Variants in HRH1 observed in about 807,000 individuals in gnomAD.
HRH1 encodes histamine H1 receptor.
HRH1 carries 6 observed loss-of-function variants against 10.3 expected under a neutral mutation model. That is an observed-to-expected ratio of 0.58 (90% CI 0.32 to 1.15). The LOEUF (loss-of-function observed/expected upper bound fraction) is 1.15. Ranked by LOEUF, HRH1 falls within the 50% of genes most tolerant of loss-of-function variation. HRH1 has a pLI of 0.05. For synonymous variants in HRH1, 242 were observed against 236.7 expected, an observed-to-expected ratio of 1.02 and a Z score of -0.21; for missense variants, 514 against 615.3, an observed-to-expected ratio of 0.84 and a Z score of 1.74.
chr3:11,231,011 C>T (rs1410737279), intron 1 of HRH1, among the ~76,000 whole-genome samples: 1 of 152,166 alleles, frequency 6.6e-6, no homozygotes, highest in Non-Finnish European at 1.5e-5. Context: ...CTTCTCACCT[C>T]CCCCATCCCT....
At chr3:11,232,990 C>A (rs562431738) in intron 1 of HRH1, among the ~76,000 whole-genome samples, 1 of 152,250 alleles carries the variant, frequency 6.6e-6, no homozygotes, top group African/African-American at 2.4e-5. Flanking sequence ...AATCTGCTAT[C>A]ATTCTCATTA....
At chr3:11,202,438 T>TAAATAAATCAA (rs58125465) in intron 1 of HRH1, among the ~76,000 whole-genome samples, 1 of 133,554 alleles carries the variant, frequency 7.5e-6, no homozygotes. Context: ...AAATAAATAA[T>TAAATAAATCAA]TAATTAAAAA....
intron 1 of HRH1, among the ~76,000 whole-genome samples, chr3:11,221,404 A>G (rs1938706198): frequency 6.6e-6 from 1 of 151,842 alleles, no homozygotes; most frequent in Non-Finnish European, 1.5e-5. Context: ...ATACAAAAAA[A>G]ATTAGCCGGC....
At chr3:11,225,139 C>A (rs538509473) in intron 1 of HRH1, among the ~76,000 whole-genome samples, 1 of 152,164 alleles carries the variant, frequency 6.6e-6, no homozygotes, top group Admixed American at 6.5e-5. Flanking sequence ...AGGACTTGGG[C>A]CCCTGGAACT....
chr3:11,216,980 T>C (rs751058370), intron 1 of HRH1, among the ~76,000 whole-genome samples: 2 of 151,544 alleles, frequency 1.3e-5, no homozygotes, highest in Non-Finnish European at 2.9e-5. Context: ...GCTCAGGAGT[T>C]CAAAAGCAGC....
chr3:11,161,718 G>A (rs1409233227), intron 1 of HRH1, among the ~76,000 whole-genome samples: 2 of 152,224 alleles, frequency 1.3e-5, no homozygotes, highest in Non-Finnish European at 2.9e-5. Context: ...GCAAGGATAA[G>A]TTATTTTCCC....
chr3:11,155,214 G>A (rs1261291909), intron 1 of HRH1, among the ~76,000 whole-genome samples: 2 of 152,208 alleles, frequency 1.3e-5, no homozygotes, highest in African/African-American at 4.8e-5. Context: ...CAGTTCGGCT[G>A]CAGCTGGGGG....
At chr3:11,161,579 C>G (rs1028858798) in intron 1 of HRH1, among the ~76,000 whole-genome samples, 2 of 152,124 alleles carry the variant, frequency 1.3e-5, no homozygotes, top group Admixed American at 1.3e-4. Flanking sequence ...GCGGGGCCAC[C>G]CTGATGAGCC....
intron 1 of HRH1, among the ~76,000 whole-genome samples, chr3:11,170,492 C>A (rs1023848602): frequency 2.0e-5 from 3 of 152,240 alleles, no homozygotes; most frequent in African/African-American, 7.2e-5. Flanking sequence ...TGATTTTGAA[C>A]CGGCGGCCTG....
chr3:11,242,568 A>C (rs1939378432), intron 1 of HRH1, among the ~76,000 whole-genome samples: 1 of 150,268 alleles, frequency 6.7e-6, no homozygotes, highest in African/African-American at 2.4e-5. Context: ...GACACCAGGA[A>C]CCTGCCGGAA....
intron 1 of HRH1, among the ~76,000 whole-genome samples, chr3:11,198,927 C>T (rs964804445): frequency 3.4e-5 from 5 of 148,808 alleles, no homozygotes. Context: ...CACACACACA[C>T]ATTTTTTTTT....
intron 1 of HRH1, among the ~76,000 whole-genome samples, chr3:11,155,632 C>G (rs1936770470): frequency 6.6e-6 from 1 of 152,162 alleles, no homozygotes; most frequent in Non-Finnish European, 1.5e-5. Context: ...GCAGACAAGA[C>G]GAGGCAGGCT....
chr3:11,257,020 A>G (rs1326143133), intron 1 of HRH1, among the ~76,000 whole-genome samples: 2 of 151,392 alleles, frequency 1.3e-5, no homozygotes, highest in East Asian at 2.0e-4. Flanking sequence ...TGGGAGGCCA[A>G]GGTGGGCGGA....
intron 1 of HRH1, among the ~76,000 whole-genome samples, chr3:11,189,912 T>A (rs1454625088): frequency 6.6e-6 from 1 of 152,074 alleles, no homozygotes; most frequent in African/African-American, 2.4e-5. Flanking sequence ...ATCATGCCGC[T>A]GCACTCCAGC....
In HRH1 at chr3:11,262,299, A is replaced by T. The variant is rs560990025; in HGVS notation, c.*1798A>T. On this transcript the variant is annotated 3_prime_UTR_variant, in exon 2 of 2. Coordinates refer to ENST00000431010, the MANE Select transcript of HRH1 (RefSeq NM_001098212.2). Reference sequence around the variant, plus strand: ...AATATGATGTTTAAAAGCATACTCTATGTGATTTATTTATTTCTACCTTTC... The same window carrying T: ...AATATGATGTTTAAAAGCATACTCTTTGTGATTTATTTATTTCTACCTTTC... 6.0e-6 allele frequency: 1 copy of T among 167,152 alleles called. No homozygotes were observed. Among genetic ancestry groups the T allele is most frequent in the South Asian group, 2.1e-4 (1 of 4,830 alleles). The allele number at this position is 167,152 out of a possible 1,614,324, so 10.4% of individuals were successfully genotyped here.
chr3:11,234,622 T>C, intron 1 of HRH1: 1 of 1,408,776 alleles, frequency 7.1e-7, no homozygotes, highest in Non-Finnish European at 1.0e-6. Context: ...TGGAGTTTCA[T>C]GGTCTTCTTT....
At chr3:11,248,588 C>T (rs888258823) in intron 1 of HRH1, among the ~76,000 whole-genome samples, 11 of 152,352 alleles carry the variant, frequency 7.2e-5, no homozygotes, top group Admixed American at 2.6e-4. Context: ...AATATCACCA[C>T]ACATCTGCTC....
chr3:11,140,051 G>A (rs1284062194), intron 1 of HRH1, among the ~76,000 whole-genome samples: 2 of 152,148 alleles, frequency 1.3e-5, no homozygotes, highest in Non-Finnish European at 2.9e-5. Flanking sequence ...CTGGGCAGGT[G>A]CAGCCTTGCA....
chr3:11,221,039 G>A (rs1938694652), intron 1 of HRH1, among the ~76,000 whole-genome samples: 1 of 152,028 alleles, frequency 6.6e-6, no homozygotes, highest in South Asian at 2.1e-4. Flanking sequence ...TCTGGGCGTG[G>A]GAATATGAGT....
Sources: allele counts gnomAD v4.1 joint callset (sites outside exome capture counted in the v4.1 genomes callset), GRCh38; gene constraint gnomAD v4.1.1; transcripts MANE v1.5; gene names NCBI Gene and HGNC (gene_info 2026-07-23, HGNC 2026-07-21).